TENM1: variants seen among roughly 807,000 people sequenced by gnomAD.
TENM1 encodes the protein teneurin transmembrane protein 1.
TENM1 carries 35 observed loss-of-function variants against 174.8 expected under a neutral mutation model. The observed-to-expected ratio is 0.20, with a 90% CI of 0.15 to 0.27. The LOEUF is 0.27. Ranked by LOEUF, TENM1 falls within the 10% of genes least tolerant of loss-of-function variation. TENM1 has a pLI of 1.00. For missense variants in TENM1, 1,633 were observed against 2,130.1 expected (o/e 0.77, Z 4.59); for synonymous variants, 781 against 798.7 (o/e 0.98, Z 0.37).
exon 7 of TENM1, chrX:124,653,767 C>T: frequency 8.3e-7 from 1 of 1,207,844 alleles, no homozygotes; most frequent in South Asian, 1.8e-5. Context: ...TGTCTATCGC[C>T]CGTCCCTTCT....
chrX:124,954,537 A>T (rs1005159330), intron 1 of TENM1, among the ~76,000 whole-genome samples: 1 of 111,870 alleles, frequency 8.9e-6, no homozygotes, highest in Admixed American at 9.5e-5. Flanking sequence ...TGTTAGAAAC[A>T]AAACCCAGAC....
chrX:124,702,320 AGATTTTTACTGAC>A (rs1252446352), intron 5 of TENM1, among the ~76,000 whole-genome samples: 1 of 111,660 alleles, frequency 9.0e-6, no homozygotes, highest in Non-Finnish European at 1.9e-5. Flanking sequence ...AAATCAAGAG[AGATTTTTACTGAC>A]TTATCCAGTC....
At chrX:124,850,588 T>C (rs1462245806) in intron 3 of TENM1, among the ~76,000 whole-genome samples, 1 of 110,950 alleles carries the variant, frequency 9.0e-6, no homozygotes, top group East Asian at 2.9e-4. Flanking sequence ...ACTGACAGGA[T>C]ATGTGCTGAA....
At chrX:125,190,650 T>C in the TENM1 span, among the ~76,000 whole-genome samples, 14 of 111,264 alleles carry the variant, frequency 1.3e-4, no homozygotes, top group African/African-American at 3.6e-4. Flanking sequence ...TCCAGCAACA[T>C]CTCTCAAGAA....
chrX:125,161,044 AAAAAAAAAAAAAAAAAAC>A, the TENM1 span, among the ~76,000 whole-genome samples: 24 of 106,894 alleles, frequency 2.2e-4, no homozygotes, highest in African/African-American at 7.6e-4. Context: ...AAAAGTAAAA[AAAAAAAAAAAAAAAAAAC>A]AAAACCCAAA....
rs772721927 is a variant in TENM1 at position 124,496,411 on chromosome X, G to A, written c.3695+605C>T. Among the ~76,000 whole-genome samples, 6 of 111,530 alleles carry A rather than the reference G, an allele frequency of 5.4e-5. No individual in the cohort carries two copies. The Admixed American group carries it at 5.7e-4, about 11-fold the overall frequency. On this transcript the variant is annotated intron_variant, in intron 20 of 31. Transcript: ENST00000422452. ...CAGGATATGGAATACTAAAAGCTAC[G>A]AATTCCTTACAAAAGGTGTCAAAAT...
chrX:124,791,159 C>T (rs761076910), intron 3 of TENM1, among the ~76,000 whole-genome samples: 1 of 111,972 alleles, frequency 8.9e-6, no homozygotes, highest in East Asian at 2.8e-4. Flanking sequence ...CAATTATCTG[C>T]CTTGGTATAA....
chrX:124,680,480 G>GCA (rs1310108054), intron 5 of TENM1, among the ~76,000 whole-genome samples: 2 of 110,687 alleles, frequency 1.8e-5, no homozygotes, highest in East Asian at 5.7e-4. Context: ...TTTAATATAT[G>GCA]ATCTCCATTT....
chrX:124,407,137 G>A (rs755384930), intron 25 of TENM1, among the ~76,000 whole-genome samples: 3 of 107,349 alleles, frequency 2.8e-5, no homozygotes, highest in Non-Finnish European at 3.8e-5. Context: ...TTGTCTATAT[G>A]AGTAAGAGAC....
rs773159051 is a variant in TENM1 at position 124,919,165 on chromosome X, A to T, written c.218-22924T>A. On this transcript the variant is annotated intron_variant, in intron 1 of 31. Transcript: ENST00000422452. ...CTATTCAAACTTTTATTTGATACTC[A>T]TTGAATGCCTTATAGTGGTACTCTG... 2.7e-5 allele frequency among the ~76,000 whole-genome samples: 3 copies of T among 112,218 alleles called. No individual in the cohort carries two copies. The South Asian group carries it at 1.1e-3, about 42-fold the overall frequency.
At chrX:125,130,406 G>A in the TENM1 span, among the ~76,000 whole-genome samples, 1 of 110,780 alleles carries the variant, frequency 9.0e-6, no homozygotes, top group Non-Finnish European at 1.9e-5. Flanking sequence ...TGTTATCAAT[G>A]ACAAGGTTCA....
At chrX:124,454,054 G>C (rs1157793627) in intron 22 of TENM1, among the ~76,000 whole-genome samples, 4 of 111,384 alleles carry the variant, frequency 3.6e-5, no homozygotes, top group African/African-American at 1.3e-4. Flanking sequence ...AAAGGGAATG[G>C]CTAAGTTTCT....
At chrX:124,980,489 C>T in the TENM1 span, among the ~76,000 whole-genome samples, 1 of 110,564 alleles carries the variant, frequency 9.0e-6, no homozygotes, top group Non-Finnish European at 1.9e-5. Context: ...GGTCATAAGC[C>T]AAGGGCCACT....
chrX:124,404,977 AAACAAAC>A (rs2060445988), intron 27 of TENM1, 47 bp downstream of exon 30: 10 of 1,078,496 alleles, frequency 9.3e-6, no homozygotes, highest in Non-Finnish European at 1.3e-5. Flanking sequence ...ACAAACAAAC[AAACAAAC>A]AAAACACCTA....
intron 3 of TENM1, among the ~76,000 whole-genome samples, chrX:124,840,309 C>T (rs1277037028): frequency 9.0e-6 from 1 of 111,400 alleles, no homozygotes; most frequent in Non-Finnish European, 1.9e-5. Context: ...GACTGATCTG[C>T]TTCATAATGA....
At chrX:124,540,006 A>C (rs2048285740) in intron 15 of TENM1, among the ~76,000 whole-genome samples, 1 of 112,089 alleles carries the variant, frequency 8.9e-6, no homozygotes, top group Admixed American at 9.5e-5. Flanking sequence ...TGTCTTCCCC[A>C]TCAAAACAGT....
intron 1 of TENM1, among the ~76,000 whole-genome samples, chrX:124,923,203 G>A (rs2058047664): frequency 9.0e-6 from 1 of 111,450 alleles, no homozygotes; most frequent in Non-Finnish European, 1.9e-5. Flanking sequence ...ATAAATATTT[G>A]TTTATGGAAT....
At chrX:124,966,500 A>C (rs961374126), upstream of TENM1, among the ~76,000 whole-genome samples, 6 of 108,952 alleles carry the variant, frequency 5.5e-5, no homozygotes, top group Admixed American at 2.9e-4. Flanking sequence ...ATCTCTACTA[A>C]AAATACAAAA....
At chrX:124,736,534 A>G (rs1051956031) in intron 4 of TENM1, among the ~76,000 whole-genome samples, 1 of 111,408 alleles carries the variant, frequency 9.0e-6, no homozygotes. Context: ...AAAGAATCTT[A>G]CAATAAATAA....
Sources: gnomAD v4.1 joint callset for allele counts (sites outside exome capture counted in the v4.1 genomes callset) on GRCh38, gnomAD v4.1.1 for gene constraint, MANE v1.5 for transcripts, NCBI Gene and HGNC (gene_info 2026-07-23, HGNC 2026-07-21) for gene names.